ZNF493: variants seen among roughly 807,000 people sequenced by gnomAD.
ZNF493 encodes zinc finger protein 493.
In ZNF493, 11 loss-of-function variants were observed where a neutral mutation model predicts 12.2. That is an observed-to-expected ratio of 0.90 (90% confidence interval 0.57 to 1.50). The LOEUF is 1.50. ZNF493 is among the 40% of genes most tolerant of loss of function. The pLI is 0.00. For missense variants in ZNF493, 950 were observed against 906.6 expected (o/e 1.05, Z -0.61); for synonymous variants, 286 against 302.6 (o/e 0.95, Z 0.57).
Position 21,423,961 on chromosome 19 carries a change from A to T in ZNF493, c.1302A>T (p.Lys434Asn). 6.2e-7 allele frequency: 1 copy of T among 1,613,614 alleles called. No homozygotes were observed. The highest frequency in any genetic ancestry group is 2.2e-5 in the East Asian group (1 of 44,820). ...KRIHTGEKPY[K>N]CEECGKTFSV... ...TTCATACTGGAGAGAAACCCTACAA[A>T]TGTGAAGAATGTGGCAAAACCTTTA... The change falls in exon 4 of 4, where the codon AAA (lysine) becomes AAT (asparagine). Residue 434 changes from lysine to asparagine, a missense_variant. Physicochemically the swap from Lys to Asn is moderately conservative, Grantham distance 94 (BLOSUM62 0). Transcript: ENST00000392288.
chr19:21,404,542 T>C (rs1010068446), intron 1 of ZNF493, among the ~76,000 whole-genome samples: 7 of 152,368 alleles, frequency 4.6e-5, no homozygotes, highest in African/African-American at 1.7e-4. Context: ...TGCATTTATC[T>C]GTCTTTGGAA....
At chr19:21,415,975 A>T (rs982337437) in intron 3 of ZNF493, among the ~76,000 whole-genome samples, 1 of 152,184 alleles carries the variant, frequency 6.6e-6, no homozygotes, top group Non-Finnish European at 1.5e-5. Flanking sequence ...CATTTACCTG[A>T]TTTTTTCTTA....
chr19:21,401,924 C>G (rs62110416), intron 1 of ZNF493, among the ~76,000 whole-genome samples: 2 of 151,326 alleles, frequency 1.3e-5, no homozygotes, highest in African/African-American at 4.9e-5. Context: ...GCCACCATGC[C>G]CGGTCAGCTA....
At chr19:21,397,543 T>G in intron 1 of ZNF493, 1 of 592,178 alleles carries the variant, frequency 1.7e-6, no homozygotes, top group Non-Finnish European at 3.0e-6. Flanking sequence ...CGCGTCTTTC[T>G]CAGATTGTGC....
At chr19:21,409,693 C>T (rs1054880054) in intron 3 of ZNF493, among the ~76,000 whole-genome samples, 7 of 152,220 alleles carry the variant, frequency 4.6e-5, no homozygotes, top group African/African-American at 1.7e-4. Flanking sequence ...TGAAGTGACC[C>T]TTAATTGTGC....
At chr19:21,409,670 G>A (rs776609538) in intron 3 of ZNF493, among the ~76,000 whole-genome samples, 3 of 152,132 alleles carry the variant, frequency 2.0e-5, no homozygotes, top group Non-Finnish European at 2.9e-5. Flanking sequence ...ACTTGAGCCT[G>A]GAAGTTTGAG....
chr19:21,417,029 G>C (rs1252845767), intron 3 of ZNF493, among the ~76,000 whole-genome samples: 1 of 152,166 alleles, frequency 6.6e-6, no homozygotes, highest in Admixed American at 6.5e-5. Flanking sequence ...ACAGGGGTGA[G>C]GGAATGGCCT....
rs181980891 is a variant in ZNF493, at chr19:21,402,266, C to T, written c.31-2863C>T. Among the ~76,000 whole-genome samples the T allele has an allele frequency of 1.1e-3, 164 of 152,266 alleles. 1 individual carries two copies. The highest frequency in any genetic ancestry group is 3.7e-3 in the African/African-American group (153 of 41,546). The stretch of plus-strand genomic sequence containing the variant: ...ACAGGCATGAGCCACCATGCCTGGC[C>T]CTGGCCAGCTATTTATTACTAATTC... On this transcript the variant is annotated intron_variant, in intron 1 of 3. Transcript: ENST00000392288.
Position 21,415,647 on chromosome 19 carries a change from A to T in ZNF493, c.254-7266A>T, listed in dbSNP as rs991246258. 2.0e-5 allele frequency among the ~76,000 whole-genome samples: 3 copies of T among 152,168 alleles called. No homozygotes were observed. In the East Asian group the frequency reaches 5.8e-4, roughly 29 times the overall value. ...TATAATGAATAATGTAACACTGTGAAAATATTTTATGAGTAGGTCAATTAC... is the reference window on the plus strand; with the variant it reads ...TATAATGAATAATGTAACACTGTGATAATATTTTATGAGTAGGTCAATTAC... On this transcript the variant is annotated intron_variant, in intron 3 of 3. Coordinates refer to ENST00000392288, the MANE Select transcript of ZNF493 (RefSeq NM_001076678.3).
chr19:21,415,126 C>A (rs952601324), intron 3 of ZNF493, among the ~76,000 whole-genome samples: 1 of 152,072 alleles, frequency 6.6e-6, no homozygotes, highest in African/African-American at 2.4e-5. Context: ...AAGAAAAAGC[C>A]ACTCTACTAA....
At chr19:21,401,310 C>T (rs560680141) in intron 1 of ZNF493, among the ~76,000 whole-genome samples, 1 of 152,156 alleles carries the variant, frequency 6.6e-6, no homozygotes, top group Admixed American at 6.6e-5. Context: ...CCAAGTTGAT[C>T]GTAGTGGATT....
At chr19:21,413,727 T>G in intron 3 of ZNF493, 1 of 350,764 alleles carries the variant, frequency 2.9e-6, no homozygotes, top group Non-Finnish European at 5.1e-6. Flanking sequence ...CAAGTTATTT[T>G]ACCCATTTGC....
chr19:21,423,790 C>CA lies in ZNF493; in HGVS notation c.1134dup (p.Cys379MetfsTer2). 6.2e-7 allele frequency: 1 copy of CA among 1,611,926 alleles called. No homozygotes were observed. The highest frequency in any genetic ancestry group is 8.5e-7 in the Non-Finnish European group (1 of 1,179,082). ...GAATTCATACTGGAGAGAAACCCTA[C>CA]AAATGTGAAGAATGTGGCAAAGCCT... On this transcript the variant is annotated frameshift_variant, in exon 4 of 4. Coordinates refer to ENST00000392288, the MANE Select transcript of ZNF493 (RefSeq NM_001076678.3). LOFTEE classifies it low-confidence loss of function (END_TRUNC).
intron 1 of ZNF493, 40 bp downstream of exon 1, chr19:21,397,307 A>G: frequency 6.2e-7 from 1 of 1,613,758 alleles, no homozygotes. Context: ...GAGGGGAAGG[A>G]GTTGCTCGGA....
chr19:21,413,560 A>C (rs779009986), intron 3 of ZNF493: 2 of 404,488 alleles, frequency 4.9e-6, no homozygotes, highest in Non-Finnish European at 8.7e-6. Flanking sequence ...GGTTGTCCTC[A>C]GCATCAATCT....
chr19:21,405,266 C>T lies in ZNF493; in HGVS notation c.157+11C>T. 6.2e-7 allele frequency: 1 copy of T among 1,608,798 alleles called. No individual in the cohort carries two copies. The highest frequency in any genetic ancestry group is 8.5e-7 in the Non-Finnish European group (1 of 1,178,794). ...ACCTGGTCTTCTTGGGTGAGAATAA[C>T]TTTAATACAAAATCCCTTATATACC... is the stretch of plus-strand genomic sequence containing the variant. On this transcript the variant is annotated intron_variant, in intron 2 of 3. Transcript: ENST00000392288.
chr19:21,417,757 G>A (rs954144153), intron 3 of ZNF493, among the ~76,000 whole-genome samples: 5 of 152,126 alleles, frequency 3.3e-5, no homozygotes, highest in African/African-American at 4.8e-5. Context: ...TGGGTATTGC[G>A]AGCAGCCTGA....
chr19:21,427,346 A>C lies in ZNF493; in HGVS notation c.*2362A>C, dbSNP rs929337040. ...GGTACATGTGCACAATGTGCAGGTT[A>C]GTTACATATGTATACATGTGCCATG... On this transcript the variant is annotated 3_prime_UTR_variant, in exon 4 of 4. Transcript: ENST00000392288. 1.3e-4 allele frequency: 21 copies of C among 158,484 alleles called. No individual in the cohort carries two copies. Among genetic ancestry groups the C allele is most frequent in the African/African-American group, 4.8e-4 (20 of 41,570 alleles). The allele number at this position is 158,484 out of a possible 1,614,324, so 9.8% of individuals were successfully genotyped here. A position where few individuals can be genotyped will look rare whatever the true frequency, so the allele number is the denominator to read the frequency against.
chr19:21,415,080 T>G (rs1055896589), intron 3 of ZNF493, among the ~76,000 whole-genome samples: 2 of 152,122 alleles, frequency 1.3e-5, no homozygotes, highest in Non-Finnish European at 2.9e-5. Flanking sequence ...CGATTTGATT[T>G]AAATAAGGAG....
Sources: allele counts gnomAD v4.1 joint callset (sites outside exome capture counted in the v4.1 genomes callset), GRCh38; gene constraint gnomAD v4.1.1; transcripts MANE v1.5; gene names NCBI Gene and HGNC (gene_info 2026-07-23, HGNC 2026-07-21).